The following C13orf46 variants were observed in gnomAD, a reference collection of about 807,000 sequenced individuals.
C13orf46 encodes uncharacterized protein C13orf46.
chr13:113,971,071 C>T (rs966830068), intron 1 of C13orf46, among the ~76,000 whole-genome samples: 1 of 152,234 alleles, frequency 6.6e-6, no homozygotes, highest in African/African-American at 2.4e-5. Flanking sequence ...TCTCCAAGCC[C>T]TAGGTGCTCA....
At chr13:113,933,611 A>C in the C13orf46 span, among the ~76,000 whole-genome samples, 3 of 152,192 alleles carry the variant, frequency 2.0e-5, no homozygotes, top group African/African-American at 7.2e-5. Context: ...TCTTCCATGA[A>C]CATGCTATGG....
intron 1 of C13orf46, among the ~76,000 whole-genome samples, chr13:113,973,536 G>A (rs1451846004): frequency 6.6e-6 from 1 of 152,168 alleles, no homozygotes; most frequent in Non-Finnish European, 1.5e-5. Context: ...AGCCCCTCCT[G>A]CTTCAGGCTG....
rs1027777520 is a variant in C13orf46, at chr13:113,968,021, C to T, written c.456+446G>A. On this transcript the variant is annotated intron_variant, in intron 4 of 6. Transcript: ENST00000636427. Reference sequence around the variant, plus strand: ...CAAGAGCCCTGGAATGAAAGCAAGGCCCGCCTGGCAAGCAGCGTGTCTGGT... The same window carrying T: ...CAAGAGCCCTGGAATGAAAGCAAGGTCCGCCTGGCAAGCAGCGTGTCTGGT... Among the ~76,000 whole-genome samples the T allele has an allele frequency of 4.9e-3, 752 of 152,272 alleles. 10 individuals carry two copies. The highest frequency in any genetic ancestry group is 0.017 in the African/African-American group (721 of 41,554).
chr13:113,930,401 C>T, the C13orf46 span, among the ~76,000 whole-genome samples: 11 of 150,080 alleles, frequency 7.3e-5, no homozygotes, highest in South Asian at 1.1e-3. Context: ...AGCACCGAGG[C>T]GGGGGCGCAG....
rs1310286775 is a variant in C13orf46 at position 113,956,691 on chromosome 13, T to TC, written c.*81dup. On this transcript the variant is annotated 3_prime_UTR_variant, in exon 7 of 7. Coordinates refer to ENST00000636427, the MANE Select transcript of C13orf46 (RefSeq NM_001365455.2). ...AAGTAGGTGGCCGGATCGCCCTCCG[T>TC]CCCGCCTCCTGTGCCCCCAGCCCCT... is the stretch of plus-strand genomic sequence containing the variant. 8 of 152,456 alleles carry TC rather than the reference T, an allele frequency of 5.2e-5. No homozygotes were observed. The East Asian group carries it at 1.5e-3, about 29-fold the overall frequency. The allele number at this position is 152,456 out of a possible 1,614,324, so 9.4% of individuals were successfully genotyped here. A position where few individuals can be genotyped will look rare whatever the true frequency, so the allele number is the denominator to read the frequency against.
rs991255137 is a variant in C13orf46 at position 113,956,083 on chromosome 13, G to A, written c.*690C>T. The A allele has an allele frequency of 1.0e-4, 16 of 158,912 alleles. No homozygotes were observed. Among genetic ancestry groups the A allele is most frequent in the South Asian group, 5.0e-4 (3 of 6,024 alleles). The allele number at this position is 158,912 out of a possible 1,614,324, so 9.8% of individuals were successfully genotyped here. A position where few individuals can be genotyped will look rare whatever the true frequency, so the allele number is the denominator to read the frequency against. On this transcript the variant is annotated 3_prime_UTR_variant, in exon 7 of 7. Transcript: ENST00000636427. ...GCGGAGAGGAGGAGTAGGATCTGGC[G>A]GAGAGGTGGAGTAGTATCTGGCGGA...
rs1474273062 is a variant in C13orf46 at position 113,973,049 on chromosome 13, C to T, written c.190+759G>A. ...CGGGAGGCAGGAGGCCCGGCCCGGT[C>T]CCTGCTGCCGGTGGAAGGAAAATGA... On this transcript the variant is annotated intron_variant, in intron 1 of 6. Coordinates refer to ENST00000636427, the MANE Select transcript of C13orf46 (RefSeq NM_001365455.2). Among the ~76,000 whole-genome samples the T allele has an allele frequency of 5.3e-5, 8 of 152,208 alleles. No individual in the cohort carries two copies. The South Asian group carries it at 1.0e-3, about 20-fold the overall frequency.
the C13orf46 span, among the ~76,000 whole-genome samples, chr13:113,945,423 C>T: frequency 2.6e-5 from 4 of 151,886 alleles, no homozygotes; most frequent in South Asian, 2.1e-4. Context: ...TGGGCCCCTG[C>T]AGTCCCAGCT....
At chr13:113,969,964 T>C (rs2052686829) in intron 2 of C13orf46, among the ~76,000 whole-genome samples, 1 of 152,180 alleles carries the variant, frequency 6.6e-6, no homozygotes, top group Admixed American at 6.5e-5. Flanking sequence ...GTTCCCACGC[T>C]GAATTCCTCT....
At chr13:113,962,811 T>C (rs1172648624) in intron 6 of C13orf46, among the ~76,000 whole-genome samples, 1 of 152,106 alleles carries the variant, frequency 6.6e-6, no homozygotes, top group Non-Finnish European at 1.5e-5. Flanking sequence ...AAATCCATCA[T>C]CAGGAAACGA....
At chr13:113,959,214 G>T (rs2052568057) in intron 6 of C13orf46, among the ~76,000 whole-genome samples, 1 of 152,208 alleles carries the variant, frequency 6.6e-6, no homozygotes, top group East Asian at 1.9e-4. Context: ...GGAGGTTGCA[G>T]TGAGCTGGGA....
At chr13:113,938,652 G>A in the C13orf46 span, among the ~76,000 whole-genome samples, 1 of 152,170 alleles carries the variant, frequency 6.6e-6, no homozygotes, top group Admixed American at 6.5e-5. Flanking sequence ...GCGTCCTGGG[G>A]GTTCAGCCTC....
At chr13:113,943,412 A>G in the C13orf46 span, among the ~76,000 whole-genome samples, 2 of 152,316 alleles carry the variant, frequency 1.3e-5, no homozygotes, top group East Asian at 3.9e-4. Flanking sequence ...TTTCCGGTGG[A>G]CAATTGGTTA....
chr13:113,927,131 T>C, the C13orf46 span: 1 of 160,808 alleles, frequency 6.2e-6, no homozygotes, highest in African/African-American at 2.4e-5. Context: ...CAAAGTTCTG[T>C]CCGACAAAAT....
chr13:113,963,592 C>T (rs2052609758), intron 6 of C13orf46, among the ~76,000 whole-genome samples: 4 of 145,402 alleles, frequency 2.8e-5, no homozygotes, highest in Admixed American at 7.0e-5. Flanking sequence ...CAGCCTCGGC[C>T]CCTGTCCTCA....
chr13:113,940,567 T>G, the C13orf46 span, among the ~76,000 whole-genome samples: 1 of 62,378 alleles, frequency 1.6e-5, no homozygotes, highest in African/African-American at 6.2e-5. Context: ...TGTGTGAGGC[T>G]GAGCGTTCGA....
At chr13:113,949,187 G>A (rs1331821304), downstream of C13orf46, among the ~76,000 whole-genome samples, 4 of 152,350 alleles carry the variant, frequency 2.6e-5, no homozygotes, top group Middle Eastern at 3.4e-3. Flanking sequence ...GAGCCCCCAC[G>A]GTGCTCAGAG....
At chr13:113,941,868 A>G in the C13orf46 span, among the ~76,000 whole-genome samples, 7 of 152,314 alleles carry the variant, frequency 4.6e-5, 1 homozygote, top group Middle Eastern at 0.01. Flanking sequence ...AGTTCCTGCC[A>G]CTGCTTTACT....
the C13orf46 span, among the ~76,000 whole-genome samples, chr13:113,939,887 A>T: frequency 1.3e-5 from 2 of 152,236 alleles, no homozygotes. Flanking sequence ...ATTCAGCGTG[A>T]AAAACACTGG....
Sources: allele counts gnomAD v4.1 joint callset (sites outside exome capture counted in the v4.1 genomes callset), GRCh38; gene constraint gnomAD v4.1.1; transcripts MANE v1.5; gene names NCBI Gene and HGNC (gene_info 2026-07-23, HGNC 2026-07-21).